The following CD86 variants were observed in gnomAD, a reference collection of about 807,000 sequenced individuals.
The protein encoded by CD86 is CD86 molecule, also known as T-lymphocyte activation antigen CD86.
In CD86, 11 loss-of-function variants were observed where a neutral mutation model predicts 32.1. The ratio of observed to expected loss-of-function variants is 0.34; its 90% CI spans 0.22 to 0.57. The LOEUF is 0.57. CD86 is among the 20% of genes least tolerant of loss of function. CD86 has a pLI of 0.86. For missense variants in CD86, 359 were observed against 398.4 expected, an observed-to-expected ratio of 0.90 and a Z score of 0.84; for synonymous variants, 137 against 135.3, an observed-to-expected ratio of 1.01 and a Z score of -0.09.
At chr3:122,070,065 A>G (rs1379771255) in intron 1 of CD86, among the ~76,000 whole-genome samples, 2 of 152,180 alleles carry the variant, frequency 1.3e-5, no homozygotes, top group African/African-American at 4.8e-5. Flanking sequence ...TTCAATTCAA[A>G]TAAGTGTATT....
chr3:122,111,953 T>C (rs1162897028), intron 5 of CD86, among the ~76,000 whole-genome samples: 1 of 152,232 alleles, frequency 6.6e-6, no homozygotes, highest in Non-Finnish European at 1.5e-5. Flanking sequence ...TTAGGCTGTT[T>C]AAATGAATAA....
At chr3:122,085,510 G>T (rs1304484277) in intron 1 of CD86, among the ~76,000 whole-genome samples, 1 of 152,168 alleles carries the variant, frequency 6.6e-6, no homozygotes, top group Non-Finnish European at 1.5e-5. Flanking sequence ...CCCAGCGTGG[G>T]TTTAGGCTTC....
chr3:122,108,934 TG>T (rs1441143418), intron 4 of CD86, among the ~76,000 whole-genome samples: 1 of 152,138 alleles, frequency 6.6e-6, no homozygotes, highest in Non-Finnish European at 1.5e-5. Flanking sequence ...TGACTGCACG[TG>T]CAGAGCCTCA....
chr3:122,065,243 T>A (rs1389917600), intron 1 of CD86, among the ~76,000 whole-genome samples: 1 of 152,158 alleles, frequency 6.6e-6, no homozygotes, highest in African/African-American at 2.4e-5. Context: ...AAGAAACATT[T>A]GTGGATGAAA....
chr3:122,106,868 A>C (rs923833450), intron 4 of CD86, among the ~76,000 whole-genome samples: 3 of 151,702 alleles, frequency 2.0e-5, no homozygotes, highest in African/African-American at 7.3e-5. Context: ...ACACACACAC[A>C]CACCATGCAT....
chr3:122,082,336 T>C (rs765839235), intron 1 of CD86, among the ~76,000 whole-genome samples: 12 of 152,214 alleles, frequency 7.9e-5, no homozygotes, highest in African/African-American at 2.9e-4. Context: ...GGAAGGGCCC[T>C]TACATATTTG....
chr3:122,075,153 T>C (rs2072539516), intron 1 of CD86, among the ~76,000 whole-genome samples: 5 of 151,752 alleles, frequency 3.3e-5, no homozygotes, highest in Admixed American at 2.6e-4. Context: ...GCTAATTCAA[T>C]CTCTGACTCT....
At chr3:122,096,447 T>A (rs550296182) in intron 2 of CD86, among the ~76,000 whole-genome samples, 1 of 151,998 alleles carries the variant, frequency 6.6e-6, no homozygotes, top group East Asian at 1.9e-4. Flanking sequence ...CTTATTTAAA[T>A]TTTTTTTGAG....
chr3:122,105,468 G>T (rs967762254), intron 3 of CD86, among the ~76,000 whole-genome samples: 1 of 152,124 alleles, frequency 6.6e-6, no homozygotes, highest in African/African-American at 2.4e-5. Flanking sequence ...AAGAACAAGG[G>T]ATTTTTTCTG....
At chr3:122,078,439 G>A (rs1177828310) in intron 1 of CD86, among the ~76,000 whole-genome samples, 1 of 152,096 alleles carries the variant, frequency 6.6e-6, no homozygotes, top group Non-Finnish European at 1.5e-5. Context: ...CTGTGCCAGT[G>A]GGAAATCCAG....
chr3:122,111,322 A>C (rs961819405), intron 5 of CD86, among the ~76,000 whole-genome samples: 3 of 152,198 alleles, frequency 2.0e-5, no homozygotes, highest in African/African-American at 7.2e-5. Context: ...TACTCCTGGC[A>C]TTGGCTATGT....
In CD86 at chr3:122,070,202, C is replaced by G. The variant is rs139018826; in HGVS notation, c.14+14699C>G. Among the ~76,000 whole-genome samples, 1,101 of 152,268 alleles carry G rather than the reference C, an allele frequency of 7.2e-3. 7 individuals carry two copies. The highest frequency in any genetic ancestry group is 0.013 in the Non-Finnish European group (858 of 68,016). On this transcript the variant is annotated intron_variant, in intron 1 of 6. Coordinates refer to ENST00000330540, the MANE Select transcript of CD86 (RefSeq NM_175862.5). ...TTTCTGACTTCTTGCTTGAAGACAT[C>G]TAGACAAAAATGTGTCCCTGGGTCC...
At chr3:122,074,290 T>C (rs1277516067) in intron 1 of CD86, among the ~76,000 whole-genome samples, 1 of 152,210 alleles carries the variant, frequency 6.6e-6, no homozygotes, top group Admixed American at 6.5e-5. Flanking sequence ...CCCTCCCTTC[T>C]TCTTGCACTT....
chr3:122,066,595 T>C (rs1466634896), intron 1 of CD86, among the ~76,000 whole-genome samples: 1 of 152,172 alleles, frequency 6.6e-6, no homozygotes, highest in African/African-American at 2.4e-5. Flanking sequence ...TTTTAAAAAA[T>C]ATTTATTGTG....
intron 1 of CD86, among the ~76,000 whole-genome samples, chr3:122,083,643 A>G (rs1044499942): frequency 6.6e-6 from 1 of 152,158 alleles, no homozygotes; most frequent in Non-Finnish European, 1.5e-5. Flanking sequence ...TCCTCATGCC[A>G]TCAATTGATA....
intron 1 of CD86, chr3:122,078,039 G>A: frequency 1.0e-6 from 1 of 985,662 alleles, no homozygotes; most frequent in Non-Finnish European, 1.2e-6. Flanking sequence ...ACAGGCATTT[G>A]TGACAGGTAT....
intron 3 of CD86, 48 bp from the exon 4 acceptor site, chr3:122,106,150 T>G: frequency 7.1e-7 from 1 of 1,408,670 alleles, no homozygotes; most frequent in Non-Finnish European, 9.6e-7. Flanking sequence ...CCCTCCTAGA[T>G]ACATCTAAAC....
intron 5 of CD86, among the ~76,000 whole-genome samples, chr3:122,111,444 CT>C (rs2073172206): frequency 6.6e-6 from 1 of 152,150 alleles, no homozygotes; most frequent in Admixed American, 6.5e-5. Context: ...AGGCACCAAG[CT>C]TGAGATGGTG....
chr3:122,072,967 G>C (rs1225438544), intron 1 of CD86, among the ~76,000 whole-genome samples: 1 of 151,734 alleles, frequency 6.6e-6, no homozygotes, highest in African/African-American at 2.4e-5. Flanking sequence ...AGTTTTCCCA[G>C]CACCATTTAT....
Sources: allele counts gnomAD v4.1 joint callset (sites outside exome capture counted in the v4.1 genomes callset), GRCh38; gene constraint gnomAD v4.1.1; transcripts MANE v1.5; gene names NCBI Gene and HGNC (gene_info 2026-07-23, HGNC 2026-07-21).